Variants in PAX3 observed in about 807,000 individuals in gnomAD.
The protein encoded by PAX3 is paired box protein Pax-3.
A neutral mutation model predicts 51.6 loss-of-function variants in PAX3; 14 were observed. The observed-to-expected ratio is 0.27, with a 90% confidence interval of 0.18 to 0.42. The LOEUF (loss-of-function observed/expected upper bound fraction) is 0.42, where lower values mean the gene tolerates loss of function less well. Ranked by LOEUF, PAX3 falls within the 10% of genes least tolerant of loss-of-function variation. PAX3 has a pLI of 1.00. For missense variants in PAX3, 540 were observed against 642.8 expected, an observed-to-expected ratio of 0.84 and a Z score of 1.73; for synonymous variants, 280 against 253.4, an observed-to-expected ratio of 1.11 and a Z score of -1.00.
chr2:222,227,714 G>T (rs756704386), intron 5 of PAX3, among the ~76,000 whole-genome samples: 13 of 148,858 alleles, frequency 8.7e-5, no homozygotes, highest in Non-Finnish European at 1.9e-4. Context: ...GATGAATTAG[G>T]CAAATCATCT....
chr2:222,251,633 G>A (rs1171945154), intron 4 of PAX3, among the ~76,000 whole-genome samples: 3 of 152,104 alleles, frequency 2.0e-5, no homozygotes, highest in Non-Finnish European at 4.4e-5. Context: ...TCAGTAATGG[G>A]ATGGCTGGGT....
chr2:222,217,373 GT>G (rs1000943419), intron 7 of PAX3, among the ~76,000 whole-genome samples: 1 of 152,048 alleles, frequency 6.6e-6, no homozygotes, highest in African/African-American at 2.4e-5. Flanking sequence ...TCCTGCATCT[GT>G]TTTTTTATGA....
chr2:222,231,474 T>C (rs954475252), intron 5 of PAX3, among the ~76,000 whole-genome samples: 10 of 152,260 alleles, frequency 6.6e-5, no homozygotes, highest in African/African-American at 2.2e-4. Context: ...CAACATGTTC[T>C]TTAAGTAATA....
At chr2:222,220,390 T>C in intron 6 of PAX3, 36 bp from the exon 7 acceptor site, 3 of 1,602,098 alleles carry the variant, frequency 1.9e-6, no homozygotes, top group Non-Finnish European at 2.6e-6. Context: ...TCATGTTTTC[T>C]TTTAGGCCAG....
chr2:222,295,734 C>T (rs1016301776), intron 2 of PAX3, 77 bp from the exon 3 acceptor site: 2 of 1,528,724 alleles, frequency 1.3e-6, no homozygotes, highest in Admixed American at 1.7e-5. Flanking sequence ...GCCTCTGGGC[C>T]TGTCGGGATG....
At chr2:222,231,629 C>T (rs1373006467) in intron 5 of PAX3, among the ~76,000 whole-genome samples, 1 of 152,190 alleles carries the variant, frequency 6.6e-6, no homozygotes, top group Non-Finnish European at 1.5e-5. Context: ...TGCAGCTATG[C>T]CACCTTGGGT....
chr2:222,219,427 C>A (rs1692096820), intron 7 of PAX3, among the ~76,000 whole-genome samples: 1 of 152,168 alleles, frequency 6.6e-6, no homozygotes, highest in South Asian at 2.1e-4. Flanking sequence ...TAATGTCAAC[C>A]TCAGACAGAT....
chr2:222,294,382 C>A (rs1242663421), intron 3 of PAX3, 81 bp from the exon 4 acceptor site: 1 of 1,530,256 alleles, frequency 6.5e-7, no homozygotes, highest in African/African-American at 1.4e-5. Flanking sequence ...CCCCCCACCC[C>A]CAAACACCAG....
intron 5 of PAX3, among the ~76,000 whole-genome samples, chr2:222,223,928 C>T (rs1692291082): frequency 6.6e-6 from 1 of 152,174 alleles, no homozygotes; most frequent in South Asian, 2.1e-4. Flanking sequence ...AGCCTGATCT[C>T]TCCATCAATC....
chr2:222,292,554 C>A (rs924140210), intron 4 of PAX3, among the ~76,000 whole-genome samples: 3 of 152,212 alleles, frequency 2.0e-5, no homozygotes, highest in Non-Finnish European at 4.4e-5. Context: ...AGCGCCGGAG[C>A]CTCCAGCAAC....
intron 4 of PAX3, among the ~76,000 whole-genome samples, chr2:222,279,246 G>A (rs1032834576): frequency 3.9e-5 from 6 of 152,016 alleles, no homozygotes; most frequent in South Asian, 4.1e-4. Flanking sequence ...GAGCCACCAC[G>A]CCCAGCCAAC....
chr2:222,292,036 C>A (rs1484986026), intron 4 of PAX3, among the ~76,000 whole-genome samples: 1 of 150,522 alleles, frequency 6.6e-6, no homozygotes. Context: ...AACAGCACAG[C>A]CCCCACTGGG....
rs530962375 is a variant in PAX3 at position 222,289,398 on chromosome 2, G to T, written c.586+4769C>A. On this transcript the variant is annotated intron_variant, in intron 4 of 8. Coordinates refer to ENST00000392070, the MANE Select transcript of PAX3 (RefSeq NM_181458.4). ...GATGCTGAAGCCATTCGGATTTAGCGGCCACACTCCTATTCACGTGATCGA... is the reference window on the plus strand; with the variant it reads ...GATGCTGAAGCCATTCGGATTTAGCTGCCACACTCCTATTCACGTGATCGA... Among the ~76,000 whole-genome samples the T allele has an allele frequency of 7.9e-5, 12 of 152,198 alleles. No homozygotes were observed. The South Asian group carries it at 2.5e-3, about 32-fold the overall frequency.
chr2:222,227,729 T>TAA (rs34964275), intron 5 of PAX3, among the ~76,000 whole-genome samples: 14 of 145,070 alleles, frequency 9.7e-5, no homozygotes, highest in African/African-American at 3.0e-4. Flanking sequence ...TCATCTTTTT[T>TAA]AAAAAAAAAA....
At chr2:222,242,561 T>C (rs1693057615) in intron 4 of PAX3, 2 of 152,144 alleles carry the variant, frequency 1.3e-5, no homozygotes, top group South Asian at 4.1e-4. Flanking sequence ...GTTACCCTAA[T>C]ATAAAATCAT....
In PAX3 at chr2:222,230,175, C is replaced by CA. The variant is rs748342288; in HGVS notation, c.792+1902dup. Among the ~76,000 whole-genome samples, 437 of 137,664 alleles carry CA rather than the reference C, an allele frequency of 3.2e-3. 2 individuals carry two copies. Among genetic ancestry groups the CA allele is most frequent in the African/African-American group, 6.2e-3 (234 of 37,582 alleles). The allele number at this position is 137,664 out of a possible 152,430, so 90.3% of individuals were successfully genotyped here. On this transcript the variant is annotated intron_variant, in intron 5 of 8. Coordinates refer to ENST00000392070, the MANE Select transcript of PAX3 (RefSeq NM_181458.4). ...TGGGCTACAGAATGAGACCCTGTCT[C>CA]AAAAAAAAAAAAAATTAAATCTGCC...
chr2:222,235,405 T>A (rs1387704970), intron 4 of PAX3, among the ~76,000 whole-genome samples: 1 of 152,222 alleles, frequency 6.6e-6, no homozygotes, highest in Non-Finnish European at 1.5e-5. Context: ...CTGTTTTACA[T>A]CTTTATTCTT....
At chr2:222,267,780 G>A (rs569009465) in intron 4 of PAX3, among the ~76,000 whole-genome samples, 204 of 152,180 alleles carry the variant, frequency 1.3e-3, no homozygotes, top group African/African-American at 4.6e-3. Context: ...CGAGGCAGAA[G>A]GCATAATTTA....
intron 5 of PAX3, among the ~76,000 whole-genome samples, chr2:222,226,539 ATG>A (rs1169663054): frequency 1.3e-5 from 2 of 152,010 alleles, no homozygotes; most frequent in African/African-American, 4.8e-5. Flanking sequence ...GGATGAACAT[ATG>A]TTTGCTTCAT....
Sources: allele counts gnomAD v4.1 joint callset (sites outside exome capture counted in the v4.1 genomes callset), GRCh38; gene constraint gnomAD v4.1.1; transcripts MANE v1.5; gene names NCBI Gene and HGNC (gene_info 2026-07-23, HGNC 2026-07-21).